Variants in CPNE4 observed in about 807,000 individuals in gnomAD.
CPNE4 encodes copine 4, also known as copine-4.
Under a neutral mutation model 67.9 loss-of-function variants are expected in CPNE4, and 25 were observed. The observed-to-expected ratio is 0.37, with a 90% CI of 0.27 to 0.51. The LOEUF (loss-of-function observed/expected upper bound fraction) is 0.51. Among genes scored for constraint, CPNE4 ranks in the 20% least tolerant of loss-of-function variants. CPNE4 has a pLI of 0.93. For missense variants in CPNE4, 464 were observed against 690.8 expected (o/e 0.67, Z 3.68); for synonymous variants, 242 against 244.9 (o/e 0.99, Z 0.11).
At chr3:132,028,943 G>A (rs1451827171) in intron 1 of CPNE4, among the ~76,000 whole-genome samples, 2 of 149,668 alleles carry the variant, frequency 1.3e-5, no homozygotes, top group Non-Finnish European at 3.0e-5. Flanking sequence ...TTTTTTAAAG[G>A]GTGAAGTTTG....
chr3:131,925,560 G>GA (rs1347699416), intron 1 of CPNE4: 1 of 136,034 alleles, frequency 7.4e-6, no homozygotes, highest in Non-Finnish European at 1.6e-5. Context: ...CTTGGAGAAA[G>GA]AAAAAAGATT....
intron 2 of CPNE4, among the ~76,000 whole-genome samples, chr3:131,733,480 T>C (rs1423948065): frequency 1.3e-5 from 2 of 152,274 alleles, no homozygotes; most frequent in African/African-American, 4.8e-5. Context: ...GATATGATTC[T>C]ATAACATAGA....
intron 3 of CPNE4, among the ~76,000 whole-genome samples, chr3:131,718,374 G>T (rs1196445116): frequency 6.6e-6 from 1 of 152,140 alleles, no homozygotes; most frequent in African/African-American, 2.4e-5. Context: ...AAAGTTTAGA[G>T]AAAAACACTT....
chr3:131,814,772 T>G (rs901798653), intron 2 of CPNE4, among the ~76,000 whole-genome samples: 2 of 144,800 alleles, frequency 1.4e-5, no homozygotes, highest in Admixed American at 6.7e-5. Flanking sequence ...GCCCGGCTAA[T>G]TTTTTGTATT....
intron 1 of CPNE4, among the ~76,000 whole-genome samples, chr3:131,924,341 A>C (rs916968245): frequency 6.6e-6 from 1 of 152,218 alleles, no homozygotes; most frequent in Non-Finnish European, 1.5e-5. Context: ...CACTCAATTC[A>C]GCCGTGAACT....
At chr3:131,801,452 G>GTGTGTATATATATATATATA (rs761978890) in intron 2 of CPNE4, among the ~76,000 whole-genome samples, 2 of 53,382 alleles carry the variant, frequency 3.7e-5, no homozygotes. Flanking sequence ...GTGTGTGTGT[G>GTGTGTATATATATATATATA]TATATATATA....
intron 11 of CPNE4, among the ~76,000 whole-genome samples, chr3:131,560,201 A>G (rs1372049047): frequency 2.0e-5 from 3 of 152,042 alleles, no homozygotes; most frequent in Admixed American, 2.0e-4. Flanking sequence ...TCTAATCCTT[A>G]TAACTGCTCT....
At chr3:131,792,925 G>GTGTGTATATATCTATA (rs58502463) in intron 2 of CPNE4, among the ~76,000 whole-genome samples, 1 of 135,142 alleles carries the variant, frequency 7.4e-6, no homozygotes, top group African/African-American at 2.9e-5. Flanking sequence ...GTGTGTGTGT[G>GTGTGTATATATCTATA]TATCTCCAAC....
intron 2 of CPNE4, among the ~76,000 whole-genome samples, chr3:131,737,763 TG>T (rs2082272663): frequency 6.6e-6 from 1 of 152,120 alleles, no homozygotes; most frequent in South Asian, 2.1e-4. Flanking sequence ...GCTCAGGAAA[TG>T]TAACCCAAGG....
At chr3:131,862,514 T>C (rs539689306) in intron 2 of CPNE4, among the ~76,000 whole-genome samples, 15 of 152,210 alleles carry the variant, frequency 9.9e-5, no homozygotes, top group Admixed American at 6.5e-4. Context: ...TGGCCACTAA[T>C]TGATCTGTCA....
At chr3:132,032,935 G>A (rs2074267312) in intron 1 of CPNE4, among the ~76,000 whole-genome samples, 2 of 152,200 alleles carry the variant, frequency 1.3e-5, no homozygotes, top group Admixed American at 1.3e-4. Flanking sequence ...GGTTTAACCA[G>A]CATATACTAA....
At chr3:131,717,839 T>TCGC (rs1415383295) in intron 3 of CPNE4, among the ~76,000 whole-genome samples, 1 of 89,376 alleles carries the variant, frequency 1.1e-5, no homozygotes, top group Admixed American at 1.1e-4. Flanking sequence ...TCTTCCTTCC[T>TCGC]TCCTTCCTTC....
At chr3:131,853,726 T>C (rs193235475) in intron 2 of CPNE4, among the ~76,000 whole-genome samples, 2 of 151,984 alleles carry the variant, frequency 1.3e-5, no homozygotes, top group Admixed American at 6.6e-5. Context: ...TTTAAACTTA[T>C]GGTTGAAGAT....
intron 2 of CPNE4, among the ~76,000 whole-genome samples, chr3:131,752,776 T>TTTG (rs2082661940): frequency 6.6e-6 from 1 of 152,146 alleles, no homozygotes; most frequent in Non-Finnish European, 1.5e-5. Context: ...ATGCAAATCA[T>TTTG]ACCAAGATTT....
intron 10 of CPNE4, among the ~76,000 whole-genome samples, chr3:131,572,592 A>G (rs1013662428): frequency 2.0e-5 from 3 of 151,916 alleles, no homozygotes; most frequent in South Asian, 4.1e-4. Flanking sequence ...CACAGAAGGG[A>G]GAGTGGAGAA....
At chr3:131,754,715 T>C (rs2082712961) in intron 2 of CPNE4, among the ~76,000 whole-genome samples, 1 of 152,118 alleles carries the variant, frequency 6.6e-6, no homozygotes, top group South Asian at 2.1e-4. Flanking sequence ...GTTGTATAAA[T>C]CAGGTGCTCC....
chr3:131,735,465 A>G (rs753970012), intron 2 of CPNE4, among the ~76,000 whole-genome samples: 5 of 152,220 alleles, frequency 3.3e-5, no homozygotes, highest in African/African-American at 4.8e-5. Flanking sequence ...AACCCTTCCC[A>G]CTGTACCCTT....
intron 6 of CPNE4, among the ~76,000 whole-genome samples, chr3:131,682,735 C>T (rs2080788305): frequency 6.6e-6 from 1 of 152,090 alleles, no homozygotes; most frequent in Non-Finnish European, 1.5e-5. Flanking sequence ...GTGAGTTCCT[C>T]CCAGTCCCAG....
upstream of CPNE4, among the ~76,000 whole-genome samples, chr3:132,039,335 G>A (rs1384688747): frequency 6.6e-6 from 1 of 152,224 alleles, no homozygotes; most frequent in Non-Finnish European, 1.5e-5. Flanking sequence ...GAAGCAGCAA[G>A]CATTTGCCAA....
Sources: gnomAD v4.1 joint callset for allele counts (sites outside exome capture counted in the v4.1 genomes callset) on GRCh38, gnomAD v4.1.1 for gene constraint, MANE v1.5 for transcripts, NCBI Gene and HGNC (gene_info 2026-07-23, HGNC 2026-07-21) for gene names.